The following BTD variants were observed in gnomAD, a reference collection of about 807,000 sequenced individuals.
BTD encodes the protein biocytinase.
Under a neutral mutation model 17.7 loss-of-function variants are expected in BTD, and 13 were observed. The ratio of observed to expected loss-of-function variants is 0.74; its 90% CI spans 0.48 to 1.17. The LOEUF is 1.17. BTD is among the 50% of genes most tolerant of loss of function. The probability of loss-of-function intolerance (pLI) is 0.00; values close to 1 mark genes in which losing one functional copy is unlikely to be tolerated. For missense variants in BTD, 674 were observed against 650.4 expected, an observed-to-expected ratio of 1.04 and a Z score of -0.39; for synonymous variants, 240 against 245.2, an observed-to-expected ratio of 0.98 and a Z score of 0.20.
chr3:15,601,452 A>C (rs748600989), upstream of BTD: 10 of 1,613,320 alleles, frequency 6.2e-6, no homozygotes, highest in Admixed American at 1.7e-4. Flanking sequence ...CTGCGAAGTT[A>C]CTGTCCGGCA....
intron 3 of BTD, among the ~76,000 whole-genome samples, chr3:15,699,526 G>T (rs1239457797): frequency 2.0e-5 from 3 of 151,856 alleles, no homozygotes; most frequent in African/African-American, 7.3e-5. Context: ...AATCTACAAA[G>T]AACTTAAATT....
In BTD at chr3:15,710,509, GTGT is replaced by G. The variant is rs370383097; in HGVS notation, c.*436_*438del. On this transcript the variant is annotated 3_prime_UTR_variant, in exon 4 of 4. Transcript: ENST00000672141. Reference sequence around the variant, plus strand: ...CATCTCTACAACTTAGACTGTGCTGGTGTACTCTTGGTTCAACGTACTCGTCCT... The same window carrying G: ...CATCTCTACAACTTAGACTGTGCTGGACTCTTGGTTCAACGTACTCGTCCT... Among the ~76,000 whole-genome samples, 549 of 152,214 alleles carry G rather than the reference GTGT, an allele frequency of 3.6e-3. 7 individuals carry two copies. Among genetic ancestry groups the G allele is most frequent in the African/African-American group, 0.013 (530 of 41,538 alleles).
At chr3:15,660,728 TAC>T (rs2065913246) in intron 3 of BTD, among the ~76,000 whole-genome samples, 1 of 152,220 alleles carries the variant, frequency 6.6e-6, no homozygotes, top group Non-Finnish European at 1.5e-5. Context: ...TAAAGTATCA[TAC>T]AGAGTAACTT....
chr3:15,706,556 G>T (rs2071453845), intron 3 of BTD, among the ~76,000 whole-genome samples: 1 of 152,120 alleles, frequency 6.6e-6, no homozygotes, highest in Admixed American at 6.6e-5. Context: ...ACATACGTGT[G>T]CATGTGTCTT....
At chr3:15,668,429 A>G (rs927234106) in intron 3 of BTD, 9 of 152,240 alleles carry the variant, frequency 5.9e-5, no homozygotes, top group African/African-American at 2.2e-4. Context: ...CCTTCCTACT[A>G]CTAATAATTA....
At chr3:15,619,804 C>T (rs548413049) in intron 1 of BTD, among the ~76,000 whole-genome samples, 4 of 152,312 alleles carry the variant, frequency 2.6e-5, no homozygotes, top group South Asian at 2.1e-4. Context: ...AGAGACAGTA[C>T]AAAGAGAGGA....
intron 3 of BTD, chr3:15,677,046 G>A: frequency 6.2e-7 from 1 of 1,612,860 alleles, no homozygotes; most frequent in Non-Finnish European, 8.5e-7. Context: ...CAAGGCACTA[G>A]TTTCATGACC....
At position 15,627,667 on chromosome 3, in the gene BTD, A is replaced by G. The variant is rs146201785; in HGVS notation, c.-16-7757A>G. 3.3e-5 allele frequency among the ~76,000 whole-genome samples: 5 copies of G among 152,266 alleles called. No homozygotes were observed. The East Asian group carries it at 5.8e-4, about 18-fold the overall frequency. ...AATTGTTTCTTTCATAATTTCTACT[A>G]TCATCCAGCGTCAGTGTTTCTAGCC... On this transcript the variant is annotated intron_variant, in intron 1 of 3. Transcript: ENST00000643237.
In BTD at chr3:15,645,290, C is replaced by T; in HGVS notation, c.1374C>T (p.Ala458=). 3 of 1,614,158 alleles carry T rather than the reference C, an allele frequency of 1.9e-6. No individual in the cohort carries two copies. The highest frequency in any genetic ancestry group is 2.5e-6 in the Non-Finnish European group (3 of 1,180,032). ...FDTCGQEITE[A]TGIFEFHLWG... ...CCTGTGGACAGGAAATCACAGAGGC[C>T]ACGGGGATATTTGAGTTTCACCTGT... The change falls in exon 4 of 4, where the codon GCC becomes GCT. Residue 458 remains alanine (A), a synonymous_variant. Transcript: ENST00000643237.
At chr3:15,627,831 C>T (rs1270909109) in intron 1 of BTD, among the ~76,000 whole-genome samples, 1 of 152,226 alleles carries the variant, frequency 6.6e-6, no homozygotes, top group Admixed American at 6.5e-5. Context: ...AAGCTATTCT[C>T]TTGCTTCAGC....
chr3:15,670,680 G>A, intron 3 of BTD: 1 of 994,572 alleles, frequency 1.0e-6, no homozygotes, highest in Non-Finnish European at 1.4e-6. Flanking sequence ...ATAATAAATT[G>A]CTGTAACCAG....
At chr3:15,633,509 G>A (rs924467474) in intron 1 of BTD, among the ~76,000 whole-genome samples, 3 of 152,142 alleles carry the variant, frequency 2.0e-5, no homozygotes, top group African/African-American at 4.8e-5. Context: ...CGGATTTTGC[G>A]GTTTCCTTGT....
chr3:15,694,055 C>T (rs2069178532), intron 3 of BTD, among the ~76,000 whole-genome samples: 1 of 151,936 alleles, frequency 6.6e-6, no homozygotes, highest in South Asian at 2.1e-4. Context: ...TCAAAGTACC[C>T]CCTTCCCTAC....
intron 1 of BTD, among the ~76,000 whole-genome samples, chr3:15,614,017 A>G (rs2064714678): frequency 1.3e-5 from 2 of 151,368 alleles, no homozygotes; most frequent in Admixed American, 6.6e-5. Flanking sequence ...GTTGTCTTGA[A>G]TCTATGGATT....
exon 4 of BTD, chr3:15,711,277 A>G: frequency 1.2e-6 from 2 of 1,606,042 alleles, no homozygotes; most frequent in Non-Finnish European, 1.7e-6. Context: ...ATCAAATCCT[A>G]CAAGAATGAA....
At chr3:15,689,893 TATATGATTTGAAA>T in intron 3 of BTD, 1 of 802,324 alleles carries the variant, frequency 1.2e-6, no homozygotes, top group South Asian at 2.0e-5. Flanking sequence ...AAATAATCCA[TATATGATTTGAAA>T]AAAAAAAAGG....
chr3:15,695,284 T>C (rs183621140), intron 3 of BTD: 9 of 1,181,848 alleles, frequency 7.6e-6, no homozygotes, highest in Admixed American at 2.0e-5. Context: ...TCAACTTATA[T>C]AGAGCTTTGC....
intron 3 of BTD, chr3:15,695,265 T>C (rs1045699856): frequency 8.8e-6 from 12 of 1,360,016 alleles, no homozygotes; most frequent in Middle Eastern, 1.8e-4. Flanking sequence ...TATTCATCTA[T>C]ATTAAGTCTC....
chr3:15,712,185 C>A, exon 4 of BTD: 1 of 1,586,692 alleles, frequency 6.3e-7, no homozygotes, highest in Non-Finnish European at 8.6e-7. Context: ...CCGCTTAAGG[C>A]TGCCAAATGG....
Sources: gnomAD v4.1 joint callset for allele counts (sites outside exome capture counted in the v4.1 genomes callset) on GRCh38, gnomAD v4.1.1 for gene constraint, MANE v1.5 for transcripts, NCBI Gene and HGNC (gene_info 2026-07-23, HGNC 2026-07-21) for gene names.